The following DCAKD variants were observed in gnomAD, a reference collection of about 807,000 sequenced individuals.
DCAKD encodes the protein dephospho-CoA kinase domain-containing protein.
DCAKD carries 15 observed loss-of-function variants against 18.7 expected under a neutral mutation model. The observed-to-expected ratio is 0.80, with a 90% confidence interval of 0.54 to 1.24. The LOEUF (loss-of-function observed/expected upper bound fraction) is 1.24. Ranked by LOEUF, DCAKD falls within the 50% of genes most tolerant of loss-of-function variation. DCAKD has a pLI of 0.00. For missense variants in DCAKD, 301 were observed against 322.0 expected (o/e 0.93, Z 0.50); for synonymous variants, 130 against 133.0 (o/e 0.98, Z 0.16).
At chr17:45,059,928 A>G (rs184390303) in intron 1 of DCAKD, among the ~76,000 whole-genome samples, 4 of 152,080 alleles carry the variant, frequency 2.6e-5, no homozygotes, top group African/African-American at 9.6e-5. Flanking sequence ...ACATGGTGAA[A>G]CCCCGTCTCT....
In DCAKD at chr17:45,057,249, C is replaced by T. The variant is rs1028227145; in HGVS notation, c.-118+3639G>A. ...TTTAGAGACAGGGTCCTCTATGTTG[C>T]CCAGGCAGGTCTCACACTCCTGGGC... On this transcript the variant is annotated intron_variant, in intron 1 of 4. Transcript: ENST00000310604. Among the ~76,000 whole-genome samples, 36 of 151,780 alleles carry T rather than the reference C, an allele frequency of 2.4e-4. 1 individual carries two copies. The highest frequency in any genetic ancestry group is 2.1e-3 in the Admixed American group (32 of 15,254).
chr17:45,048,201 C>T (rs1316955574), intron 1 of DCAKD, among the ~76,000 whole-genome samples: 1 of 148,532 alleles, frequency 6.7e-6, no homozygotes, highest in Non-Finnish European at 1.5e-5. Flanking sequence ...CCAGCCTGGG[C>T]AACATAGTGA....
chr17:45,024,264 C>G lies in DCAKD; in HGVS notation c.*169G>C, dbSNP rs2053003158. On this transcript the variant is annotated 3_prime_UTR_variant, in exon 5 of 5. Coordinates refer to ENST00000651974, the MANE Select transcript of DCAKD (RefSeq NM_001288655.2). The stretch of plus-strand genomic sequence containing the variant: ...AAGACGGGATGGCCTGGCACAGAGG[C>G]CCAGCCCTGATTCGGAGAGTCCGTG... 2 of 894,676 alleles carry G rather than the reference C, an allele frequency of 2.2e-6. No homozygotes were observed. Among genetic ancestry groups the G allele is most frequent in the Non-Finnish European group, 3.3e-6 (2 of 613,304 alleles). The allele number at this position is 894,676 out of a possible 1,614,324, so 55.4% of individuals were successfully genotyped here. A position where few individuals can be genotyped will look rare whatever the true frequency, so the allele number is the denominator to read the frequency against.
At chr17:45,027,843 G>A (rs759125305) in intron 4 of DCAKD, among the ~76,000 whole-genome samples, 16 of 152,040 alleles carry the variant, frequency 1.1e-4, no homozygotes, top group East Asian at 3.9e-4. Flanking sequence ...AAACTTAGCC[G>A]GGCATGGTGG....
chr17:45,038,945 C>T (rs9898793), intron 1 of DCAKD, among the ~76,000 whole-genome samples: 35,136 of 152,152 alleles, frequency 0.23, 4,127 homozygotes, highest in South Asian at 0.28. Context: ...GTGCCAGGGA[C>T]CTCTTGGGTA....
In DCAKD at chr17:45,023,587, A is replaced by G. The variant is rs555127169; in HGVS notation, c.*846T>C. The G allele has an allele frequency of 7.4e-6, 1 of 134,378 alleles. No homozygotes were observed. Among genetic ancestry groups the G allele is most frequent in the Non-Finnish European group, 1.6e-5 (1 of 63,848 alleles). 8.3% of individuals were successfully genotyped at this position (134,378 alleles called of 1,614,324 possible). A position where few individuals can be genotyped will look rare whatever the true frequency, so the allele number is the denominator to read the frequency against. ...GGGGCTTTAGACAGTGCCTGAACTG[A>G]GAGCTAGTTGTAGGTTAAAAAAAAA... is the stretch of plus-strand genomic sequence containing the variant. On this transcript the variant is annotated 3_prime_UTR_variant, in exon 5 of 5. Transcript: ENST00000651974.
chr17:45,045,980 C>T lies in DCAKD; in HGVS notation c.-115+5381G>A, dbSNP rs930860126. On this transcript the variant is annotated intron_variant, in intron 1 of 4. Coordinates refer to ENST00000651974, the MANE Select transcript of DCAKD (RefSeq NM_001288655.2). ...AGCTGGATTACAGCCACTGCCACCACGCCCAGCTAATTTTTTTTGTATTTT... is the reference window on the plus strand; with the variant it reads ...AGCTGGATTACAGCCACTGCCACCATGCCCAGCTAATTTTTTTTGTATTTT... Among the ~76,000 whole-genome samples the T allele has an allele frequency of 9.2e-5, 14 of 151,952 alleles. No homozygotes were observed. The East Asian group carries it at 1.0e-3, about 11-fold the overall frequency.
intron 1 of DCAKD, among the ~76,000 whole-genome samples, chr17:45,043,821 T>C (rs926808076): frequency 4.6e-5 from 7 of 151,916 alleles, no homozygotes; most frequent in African/African-American, 1.7e-4. Flanking sequence ...CCCTCCTCCC[T>C]CCTTCCACTT....
At chr17:45,035,568 G>C (rs868628174) in intron 1 of DCAKD, among the ~76,000 whole-genome samples, 1 of 151,744 alleles carries the variant, frequency 6.6e-6, no homozygotes, top group Admixed American at 6.6e-5. Flanking sequence ...GGTGCTGTTA[G>C]GCAGCATGCT....
intron 1 of DCAKD, among the ~76,000 whole-genome samples, chr17:45,035,758 G>A (rs1307679136): frequency 6.6e-6 from 1 of 152,192 alleles, no homozygotes; most frequent in Admixed American, 6.5e-5. Context: ...ATCCACGGAA[G>A]ATGCAAAAGA....
chr17:45,049,892 T>C (rs1322895101), intron 1 of DCAKD, among the ~76,000 whole-genome samples: 1 of 151,894 alleles, frequency 6.6e-6, no homozygotes, highest in Admixed American at 6.6e-5. Context: ...GCTAATTTTT[T>C]TGTATTTTTA....
chr17:45,034,432 A>G (rs2053244060), intron 2 of DCAKD, 42 bp from the exon 3 acceptor site: 2 of 1,606,680 alleles, frequency 1.2e-6, no homozygotes, highest in South Asian at 2.2e-5. Flanking sequence ...CTGAAGCCTC[A>G]GGGCCAGTCA....
intron 1 of DCAKD, among the ~76,000 whole-genome samples, chr17:45,047,115 A>G (rs1376957516): frequency 7.2e-6 from 1 of 139,606 alleles, no homozygotes; most frequent in Non-Finnish European, 1.5e-5. Context: ...TGTTCAAAGA[A>G]CTGAGTGATA....
intron 1 of DCAKD, among the ~76,000 whole-genome samples, chr17:45,045,093 G>A (rs1233443884): frequency 6.6e-6 from 1 of 152,080 alleles, no homozygotes; most frequent in African/African-American, 2.4e-5. Context: ...CCTTTATCTA[G>A]GTATCTAGAT....
intron 4 of DCAKD, among the ~76,000 whole-genome samples, chr17:45,028,821 C>T (rs1227016993): frequency 6.6e-6 from 1 of 152,040 alleles, no homozygotes; most frequent in African/African-American, 2.4e-5. Flanking sequence ...TCTCTGGCCT[C>T]AGCCTCCCAA....
chr17:45,054,026 A>G (rs866635985), upstream of DCAKD: 83 of 508,034 alleles, frequency 1.6e-4, 1 homozygote, highest in South Asian at 1.1e-3. Context: ...TAAGTAATTT[A>G]ACATCTTTCT....
At chr17:45,054,960 A>G (rs1335788706), upstream of DCAKD, among the ~76,000 whole-genome samples, 1 of 152,136 alleles carries the variant, frequency 6.6e-6, no homozygotes, top group African/African-American at 2.4e-5. Context: ...TCTTCCAAGG[A>G]GGTATCCTTG....
intron 1 of DCAKD, among the ~76,000 whole-genome samples, chr17:45,049,149 G>A (rs2053635560): frequency 6.6e-6 from 1 of 151,832 alleles, no homozygotes; most frequent in African/African-American, 2.4e-5. Flanking sequence ...GTTCAAGAAG[G>A]AAAAAGGGCC....
intron 1 of DCAKD, among the ~76,000 whole-genome samples, chr17:45,044,007 C>A (rs988707949): frequency 6.6e-6 from 1 of 152,144 alleles, no homozygotes; most frequent in African/African-American, 2.4e-5. Context: ...TCCTGCTGCA[C>A]CTTTGCTCCA....
Sources: allele counts gnomAD v4.1 joint callset (sites outside exome capture counted in the v4.1 genomes callset), GRCh38; gene constraint gnomAD v4.1.1; transcripts MANE v1.5; gene names NCBI Gene and HGNC (gene_info 2026-07-23, HGNC 2026-07-21).